Variants in WDFY3 observed in about 807,000 individuals in gnomAD.
WDFY3 encodes WD repeat and FYVE domain-containing protein 3.
A neutral mutation model predicts 409.6 loss-of-function variants in WDFY3; 66 were observed. The observed-to-expected ratio is 0.16, with a 90% confidence interval of 0.13 to 0.20. WDFY3 has a LOEUF of 0.20. Ranked by LOEUF, WDFY3 falls within the 10% of genes least tolerant of loss-of-function variation. WDFY3 has a pLI of 1.00. For synonymous variants in WDFY3, 1,521 were observed against 1,537.1 expected (o/e 0.99, Z 0.25); for missense variants, 3,031 against 4,298.1 (o/e 0.71, Z 8.24).
intron 3 of WDFY3, among the ~76,000 whole-genome samples, chr4:84,891,535 A>G (rs1036564770): frequency 6.6e-6 from 1 of 152,190 alleles, no homozygotes; most frequent in Non-Finnish European, 1.5e-5. Flanking sequence ...TCAAACTAGG[A>G]GCATAAACCA....
intron 3 of WDFY3, among the ~76,000 whole-genome samples, chr4:84,891,477 C>T (rs1257682246): frequency 1.3e-5 from 2 of 151,986 alleles, no homozygotes; most frequent in Admixed American, 6.6e-5. Context: ...AAAAACTATA[C>T]ACAACAGAAT....
chr4:84,806,666 C>T (rs562910860), intron 15 of WDFY3, among the ~76,000 whole-genome samples: 7 of 151,998 alleles, frequency 4.6e-5, no homozygotes, highest in Admixed American at 1.3e-4. Flanking sequence ...GAGTGCAGTG[C>T]GGTGATCTCG....
chr4:84,735,268 T>C, intron 42 of WDFY3, 148 bp from the exon 43 acceptor site: 1 of 706,704 alleles, frequency 1.4e-6, no homozygotes, highest in East Asian at 2.7e-5. Flanking sequence ...TCAGAATGAA[T>C]TATATGCTTG....
chr4:84,829,404 G>A (rs983117051), intron 8 of WDFY3, among the ~76,000 whole-genome samples: 2 of 152,086 alleles, frequency 1.3e-5, no homozygotes, highest in African/African-American at 4.8e-5. Flanking sequence ...ATACAGAAAT[G>A]TGTTGAAAAA....
chr4:84,864,049 A>AT (rs902068996), intron 3 of WDFY3, among the ~76,000 whole-genome samples: 18 of 151,686 alleles, frequency 1.2e-4, no homozygotes, highest in South Asian at 6.3e-4. Flanking sequence ...GAATTTTAAG[A>AT]TTTTTTTTTC....
rs776288995 is a variant in WDFY3 at position 84,678,964 on chromosome 4, G to C, written c.10102C>G (p.His3368Asp). 1.9e-6 allele frequency: 3 copies of C among 1,614,178 alleles called. No homozygotes were observed. The highest frequency in any genetic ancestry group is 2.5e-6 in the Non-Finnish European group (3 of 1,180,014). ...TTCCGCACCTCAATGGGATTGGGGTGGGGGTGGCTAAGGGGGCCCTGCAGA... is the reference window on the plus strand; with the variant it reads ...TTCCGCACCTCAATGGGATTGGGGTCGGGGTGGCTAAGGGGGCCCTGCAGA... Reference protein sequence around the residue: ...AHLQGPLSHPHPNPIEVRNYS... With the variant: ...AHLQGPLSHPDPNPIEVRNYS... The change falls in exon 65 of 68, where the codon CAC (histidine) becomes GAC (aspartate). Residue 3368 changes from histidine (H) to aspartate (D), a missense_variant. His to Asp is a moderately conservative substitution (Grantham distance 81). Transcript: ENST00000295888.
At chr4:84,801,889 C>G in intron 16 of WDFY3, 25 bp from the exon 17 acceptor site, 4 of 1,600,482 alleles carry the variant, frequency 2.5e-6, no homozygotes, top group South Asian at 1.1e-5. Flanking sequence ...GAAATCCACA[C>G]AGTCAGGTCA....
At chr4:84,769,499 C>T (rs1484879418) in intron 30 of WDFY3, among the ~76,000 whole-genome samples, 1 of 152,090 alleles carries the variant, frequency 6.6e-6, no homozygotes, top group Non-Finnish European at 1.5e-5. Flanking sequence ...ACTGCAAGCT[C>T]CGCCTCCTGG....
intron 1 of WDFY3, among the ~76,000 whole-genome samples, chr4:84,947,610 G>A (rs976264045): frequency 1.4e-5 from 2 of 146,610 alleles, no homozygotes; most frequent in African/African-American, 2.5e-5. Context: ...TGGCTCACAC[G>A]TGTAAACCCA....
rs527403698 is a variant in WDFY3 at position 84,831,979 on chromosome 4, C to T, written c.577-374G>A. On this transcript the variant is annotated intron_variant, in intron 7 of 67. Coordinates refer to ENST00000295888, the MANE Select transcript of WDFY3 (RefSeq NM_014991.6). ...AACTACCATATGATCTAGCAATCCC[C>T]CTACTGAGGGTATATATCCAAAGGA... is the stretch of plus-strand genomic sequence containing the variant. Among the ~76,000 whole-genome samples the T allele has an allele frequency of 7.8e-4, 119 of 152,212 alleles. 1 individual carries two copies. Among genetic ancestry groups the T allele is most frequent in the Middle Eastern group, 6.8e-3 (2 of 294 alleles).
At chr4:84,718,603 A>G (rs760433906) in intron 47 of WDFY3, 33 bp from the exon 48 acceptor site, 5 of 1,591,254 alleles carry the variant, frequency 3.1e-6, no homozygotes, top group Non-Finnish European at 1.7e-6. Flanking sequence ...TCATTAATAT[A>G]GGCTTTTTGT....
chr4:84,681,025 C>T (rs1727259174), intron 64 of WDFY3, among the ~76,000 whole-genome samples: 1 of 152,166 alleles, frequency 6.6e-6, no homozygotes, highest in East Asian at 1.9e-4. Context: ...GTTTTCACCC[C>T]AACGGCTTAT....
chr4:84,848,320 A>G (rs1301066458), intron 5 of WDFY3, among the ~76,000 whole-genome samples: 4 of 152,186 alleles, frequency 2.6e-5, no homozygotes, highest in African/African-American at 4.8e-5. Context: ...CGATTTCTCA[A>G]TAACAATGTA....
At chr4:84,937,071 C>G (rs1771514026) in intron 1 of WDFY3, among the ~76,000 whole-genome samples, 1 of 152,070 alleles carries the variant, frequency 6.6e-6, no homozygotes, top group Admixed American at 6.6e-5. Context: ...TCTTTGATTC[C>G]TTTTTTAGCA....
chr4:84,906,771 A>ATTTTTTTTTTT (rs574300152), intron 2 of WDFY3, among the ~76,000 whole-genome samples: 1 of 136,944 alleles, frequency 7.3e-6, no homozygotes. Context: ...ATATTTTGTG[A>ATTTTTTTTTTT]TTTTTTTTTT....
rs1165390536 is a variant in WDFY3 at position 84,927,797 on chromosome 4, T to C, written c.-132+4473A>G. Among the ~76,000 whole-genome samples, 3 of 152,276 alleles carry C rather than the reference T, an allele frequency of 2.0e-5. No individual in the cohort carries two copies. The South Asian group carries it at 6.2e-4, about 31-fold the overall frequency. On this transcript the variant is annotated intron_variant, in intron 2 of 67. Transcript: ENST00000295888. The stretch of plus-strand genomic sequence containing the variant: ...TGAGGCCTCCCCAGCCATGTGGAAC[T>C]GTGAATTAATTAAAGCTCTTTTCTT...
chr4:84,822,031 CT>C (rs1222287499), intron 10 of WDFY3, among the ~76,000 whole-genome samples: 1 of 152,028 alleles, frequency 6.6e-6, no homozygotes, highest in African/African-American at 2.4e-5. Context: ...AATTAGAACA[CT>C]GTGATTTTTA....
In WDFY3 at chr4:84,787,083, G is replaced by C. The variant is rs547800405; in HGVS notation, c.3901+399C>G. Among the ~76,000 whole-genome samples the C allele has an allele frequency of 8.5e-5, 13 of 152,270 alleles. No homozygotes were observed. The South Asian group carries it at 2.7e-3, about 32-fold the overall frequency. ...AAGAAATGAGGAAAAATAATGTTAAGTGATCTCATCTAGAGAATATGTGTG... is the reference window on the plus strand; with the variant it reads ...AAGAAATGAGGAAAAATAATGTTAACTGATCTCATCTAGAGAATATGTGTG... On this transcript the variant is annotated intron_variant, in intron 23 of 67. Transcript: ENST00000295888.
In WDFY3 at chr4:84,910,225, G is replaced by A. The variant is rs1579086880; in HGVS notation, c.-131-13215C>T. Among the ~76,000 whole-genome samples the A allele has an allele frequency of 2.6e-5, 4 of 152,214 alleles. No homozygotes were observed. In the South Asian group the frequency reaches 6.2e-4, roughly 24 times the overall value. On this transcript the variant is annotated intron_variant, in intron 2 of 67. Transcript: ENST00000295888. The stretch of plus-strand genomic sequence containing the variant: ...TACAGTATACAGGAGGATACGCACA[G>A]GTTATGTGCAAAAACTATGCCATTT...
Sources: gnomAD v4.1 joint callset for allele counts (sites outside exome capture counted in the v4.1 genomes callset) on GRCh38, gnomAD v4.1.1 for gene constraint, MANE v1.5 for transcripts, NCBI Gene and HGNC (gene_info 2026-07-23, HGNC 2026-07-21) for gene names.